SF3A1: variants seen among roughly 807,000 people sequenced by gnomAD.
The protein encoded by SF3A1 is SAP 114.
Under a neutral mutation model 89.9 loss-of-function variants are expected in SF3A1, and 13 were observed. The observed-to-expected ratio is 0.14, with a 90% CI of 0.09 to 0.23. SF3A1 has a LOEUF of 0.23. Among genes scored for constraint, SF3A1 ranks in the 10% least tolerant of loss-of-function variants. The pLI is 1.00. For synonymous variants in SF3A1, 405 were observed against 374.4 expected, an observed-to-expected ratio of 1.08 and a Z score of -0.94; for missense variants, 604 against 1,022.1, an observed-to-expected ratio of 0.59 and a Z score of 5.58.
rs1364444455 is a variant in SF3A1 at position 30,346,522 on chromosome 22, G to A, written c.186-3C>T. On this transcript the variant is annotated splice_polypyrimidine_tract_variant and splice_region_variant and intron_variant, in intron 2 of 15. Coordinates refer to ENST00000215793, the MANE Select transcript of SF3A1 (RefSeq NM_005877.6). ...TAGCTTCAAATTCAGGCCCGTTTCT[G>A]GAGGAAGAAAAAACAACAAGAATAA... The A allele has an allele frequency of 3.1e-6, 5 of 1,613,598 alleles. No homozygotes were observed. Among genetic ancestry groups the A allele is most frequent in the Non-Finnish European group, 4.2e-6 (5 of 1,179,878 alleles).
At position 30,337,842 on chromosome 22, in the gene SF3A1, G is replaced by A; in HGVS notation, c.1799C>T (p.Pro600Leu). The A allele has an allele frequency of 6.2e-7, 1 of 1,609,084 alleles. No homozygotes were observed. The highest frequency in any genetic ancestry group is 1.1e-5 in the South Asian group (1 of 89,270). ...VVSAVPVMPR[P>L]PMASVVRLPP... is the part of the protein sequence containing the mutation. ...CAGCCGGACCACAGATGCCATTGGGGGCCGGGGCATGACGGGTACTGCGGA... is the reference window on the plus strand; with the variant it reads ...CAGCCGGACCACAGATGCCATTGGGAGCCGGGGCATGACGGGTACTGCGGA... The change falls in exon 12 of 16, where the codon CCC becomes CTC. Residue 600 changes from proline (P) to leucine (L), a missense_variant. This residue lies in a region of SF3A1 where 85 missense variants were observed against 137.3 expected (regional missense o/e 0.62). Transcript: ENST00000215793.
At chr22:30,340,537 G>GT in intron 8 of SF3A1, 156 bp from the exon 9 acceptor site, 1 of 873,826 alleles carries the variant, frequency 1.1e-6, no homozygotes, top group Non-Finnish European at 1.9e-6. Context: ...GAGATGACTG[G>GT]GCCCTGTTCC....
At chr22:30,350,837 G>C (rs141374152) in intron 2 of SF3A1, among the ~76,000 whole-genome samples, 1 of 152,308 alleles carries the variant, frequency 6.6e-6, no homozygotes, top group African/African-American at 2.4e-5. Context: ...ACACTGCTAA[G>C]AGCCATTAAA....
At chr22:30,344,908 C>A (rs1026957922) in intron 4 of SF3A1, 25 bp downstream of exon 4, 1 of 1,608,904 alleles carries the variant, frequency 6.2e-7, no homozygotes, top group African/African-American at 1.3e-5. Flanking sequence ...GGGCCCAGGA[C>A]CCCAGCCCCA....
At chr22:30,338,439 C>G (rs1601691685) in intron 11 of SF3A1, among the ~76,000 whole-genome samples, 4 of 133,072 alleles carry the variant, frequency 3.0e-5, no homozygotes, top group African/African-American at 1.1e-4. Flanking sequence ...GCCTGGGCGA[C>G]AAGAGCAAAA....
chr22:30,347,672 C>CTTAA, intron 2 of SF3A1, among the ~76,000 whole-genome samples: 1 of 152,316 alleles, frequency 6.6e-6, no homozygotes, highest in East Asian at 1.9e-4. Context: ...TCAGAAAGTA[C>CTTAA]ACGGACCTTA....
At chr22:30,356,652 CG>C (rs1410419731) in intron 1 of SF3A1, 77 bp downstream of exon 1, 32 of 1,147,156 alleles carry the variant, frequency 2.8e-5, no homozygotes, top group Non-Finnish European at 3.4e-5. Flanking sequence ...TCATAGCGGC[CG>C]GCCGCTTATT....
At chr22:30,339,337 G>A (rs1398458303) in intron 9 of SF3A1, 86 bp from the exon 10 acceptor site, 1 of 1,548,114 alleles carries the variant, frequency 6.5e-7, no homozygotes, top group Non-Finnish European at 8.8e-7. Flanking sequence ...CTGGTGTGCA[G>A]GGAGGAGGCT....
chr22:30,339,339 G>C (rs955823022), intron 9 of SF3A1, 88 bp from the exon 10 acceptor site: 1 of 1,537,390 alleles, frequency 6.5e-7, no homozygotes, highest in Admixed American at 1.7e-5. Context: ...GGTGTGCAGG[G>C]AGGAGGCTGG....
chr22:30,334,836 C>CT (rs1435245686), intron 15 of SF3A1, 141 bp from the exon 16 acceptor site: 1 of 584,180 alleles, frequency 1.7e-6, no homozygotes, highest in African/African-American at 2.0e-5. Flanking sequence ...GTGTTGGGGA[C>CT]TGGAGGCCTC....
rs530324862 is a variant in SF3A1, at chr22:30,336,281, G to C, written c.2107-528C>G. 2.6e-5 allele frequency among the ~76,000 whole-genome samples: 4 copies of C among 152,336 alleles called. No individual in the cohort carries two copies. In the East Asian group the frequency reaches 7.7e-4, roughly 29 times the overall value. On this transcript the variant is annotated intron_variant, in intron 13 of 15. Transcript: ENST00000215793. ...CACCTGTAATCCCAGCACTTTGGGA[G>C]GCCAGCGTGGTGGATCACTTACGGC... is the stretch of plus-strand genomic sequence containing the variant.
At chr22:30,344,500 C>G (rs1235637152) in intron 4 of SF3A1, among the ~76,000 whole-genome samples, 1 of 152,188 alleles carries the variant, frequency 6.6e-6, no homozygotes, top group African/African-American at 2.4e-5. Context: ...GTGACTTCAC[C>G]TTTCTGAGCC....
intron 1 of SF3A1, among the ~76,000 whole-genome samples, chr22:30,355,291 G>A (rs1488252970): frequency 6.6e-6 from 1 of 152,170 alleles, no homozygotes; most frequent in African/African-American, 2.4e-5. Context: ...AATTACAGGC[G>A]TGAGCCACTG....
rs901989983 is a variant in SF3A1, at chr22:30,334,787, T to C, written c.2281-92A>G. 15 of 858,546 alleles carry C rather than the reference T, an allele frequency of 1.7e-5. No homozygotes were observed. The Admixed American group carries it at 2.0e-4, about 12-fold the overall frequency. The allele number at this position is 858,546 out of a possible 1,614,324, so 53.2% of individuals were successfully genotyped here. On this transcript the variant is annotated intron_variant, in intron 15 of 15. Coordinates refer to ENST00000215793, the MANE Select transcript of SF3A1 (RefSeq NM_005877.6). Reference sequence around the variant, plus strand: ...AACTGTGCACTTGGTCTGTTTGCGCTCTGGACTTAGCAAATACAGGAGCTT... The same window carrying C: ...AACTGTGCACTTGGTCTGTTTGCGCCCTGGACTTAGCAAATACAGGAGCTT...
rs1930966165 is a variant in SF3A1 at position 30,333,167 on chromosome 22, C to T, written c.*1427G>A. The T allele has an allele frequency of 6.6e-6, 1 of 152,194 alleles. No homozygotes were observed. Among genetic ancestry groups the T allele is most frequent in the African/African-American group, 2.4e-5 (1 of 41,430 alleles). The allele number at this position is 152,194 out of a possible 1,614,324, so 9.4% of individuals were successfully genotyped here. A position where few individuals can be genotyped will look rare whatever the true frequency, so the allele number is the denominator to read the frequency against. ...AAATGTCAGACAGGATAAGGGATGA[C>T]ATCCCATCAATCAAGTTGAAAATGG... On this transcript the variant is annotated 3_prime_UTR_variant, in exon 16 of 16. Coordinates refer to ENST00000215793, the MANE Select transcript of SF3A1 (RefSeq NM_005877.6).
At chr22:30,342,082 G>C (rs1931277117) in intron 6 of SF3A1, 118 bp downstream of exon 6, 3 of 1,300,134 alleles carry the variant, frequency 2.3e-6, no homozygotes, top group Non-Finnish European at 3.3e-6. Flanking sequence ...GCAGGGAGGA[G>C]ACAGCACTGA....
At chr22:30,341,940 C>A in intron 6 of SF3A1, 55 bp from the exon 7 acceptor site, 3 of 1,537,176 alleles carry the variant, frequency 2.0e-6, no homozygotes, top group Non-Finnish European at 2.7e-6. Context: ...ACCTATTTGC[C>A]CTGTCTGAGC....
intron 4 of SF3A1, 71 bp from the exon 5 acceptor site, chr22:30,342,950 C>T: frequency 1.0e-6 from 1 of 974,880 alleles, no homozygotes; most frequent in South Asian, 1.3e-5. Context: ...CCTTCCTGGG[C>T]CTGTGATAAA....
rs370200709 is a variant in SF3A1, at chr22:30,356,410, C to T, written c.63+320G>A. Among the ~76,000 whole-genome samples the T allele has an allele frequency of 7.7e-4, 118 of 152,382 alleles. 1 individual carries two copies. The highest frequency in any genetic ancestry group is 2.7e-3 in the African/African-American group (112 of 41,594). ...GATCAGAGGATGGGCTGGATCAGCG[C>T]CTCTCGCACTTATAAATCAATCACC... On this transcript the variant is annotated intron_variant, in intron 1 of 15. Coordinates refer to ENST00000215793, the MANE Select transcript of SF3A1 (RefSeq NM_005877.6).
Sources: gnomAD v4.1 joint callset for allele counts (sites outside exome capture counted in the v4.1 genomes callset) on GRCh38, gnomAD v4.1.1 for gene constraint, gnomAD v4.1.1 regional missense constraint, MANE v1.5 for transcripts, NCBI Gene and HGNC (gene_info 2026-07-23, HGNC 2026-07-21) for gene names.